ADAMTSL1: variants seen among roughly 807,000 people sequenced by gnomAD.
The protein encoded by ADAMTSL1 is ADAMTS-like protein 1.
Under a neutral mutation model 201.8 loss-of-function variants are expected in ADAMTSL1, and 126 were observed. The ratio of observed to expected loss-of-function variants is 0.62; its 90% CI spans 0.54 to 0.72. ADAMTSL1 has a LOEUF of 0.72. ADAMTSL1 is among the 30% of genes least tolerant of loss of function. The pLI, the probability that ADAMTSL1 is intolerant of heterozygous loss-of-function variation, is 0.00. For missense variants in ADAMTSL1, 2,679 were observed against 2,277.8 expected (o/e 1.18, Z -3.59); for synonymous variants, 1,121 against 903.4 (o/e 1.24, Z -4.32).
At chr9:18,525,083 G>T (rs1004511349) in intron 2 of ADAMTSL1, among the ~76,000 whole-genome samples, 11 of 151,972 alleles carry the variant, frequency 7.2e-5, no homozygotes, top group Admixed American at 6.5e-4. Context: ...GACTTTTTTT[G>T]GTTGGTAGGC....
At chr9:18,390,549 A>C (rs1387395359) in intron 2 of ADAMTSL1, among the ~76,000 whole-genome samples, 1 of 152,252 alleles carries the variant, frequency 6.6e-6, no homozygotes, top group Non-Finnish European at 1.5e-5. Context: ...CATGGTGAGC[A>C]TCTGGAGTGC....
chr9:18,299,881 A>C (rs532549744), intron 2 of ADAMTSL1, among the ~76,000 whole-genome samples: 2 of 152,352 alleles, frequency 1.3e-5, no homozygotes, highest in African/African-American at 4.8e-5. Flanking sequence ...GAAGGATCCT[A>C]AAGTATTTCA....
At chr9:18,235,094 AT>A (rs991741371) in intron 2 of ADAMTSL1, among the ~76,000 whole-genome samples, 4 of 151,540 alleles carry the variant, frequency 2.6e-5, no homozygotes, top group African/African-American at 4.9e-5. Flanking sequence ...TCTTTCCCTA[AT>A]TTTTTTTCTG....
At chr9:18,328,500 C>T (rs185481637) in intron 2 of ADAMTSL1, among the ~76,000 whole-genome samples, 14 of 152,254 alleles carry the variant, frequency 9.2e-5, no homozygotes, top group Non-Finnish European at 1.6e-4. Context: ...AACGTCATAA[C>T]ATAAGTATCA....
At chr9:18,464,360 G>A (rs2131722228) in intron 2 of ADAMTSL1, among the ~76,000 whole-genome samples, 1 of 152,248 alleles carries the variant, frequency 6.6e-6, no homozygotes, top group South Asian at 2.1e-4. Flanking sequence ...ACAAAAACCT[G>A]TACAAATGAA....
At chr9:18,859,634 G>A (rs1211513607) in intron 23 of ADAMTSL1, among the ~76,000 whole-genome samples, 1 of 152,146 alleles carries the variant, frequency 6.6e-6, no homozygotes, top group Non-Finnish European at 1.5e-5. Context: ...ATTTAGCAAT[G>A]TATATCAGTA....
At chr9:18,233,767 G>A (rs144465743) in intron 2 of ADAMTSL1, among the ~76,000 whole-genome samples, 15 of 152,288 alleles carry the variant, frequency 9.8e-5, no homozygotes, top group African/African-American at 3.1e-4. Context: ...GCTGATGGAC[G>A]GAACAGCACT....
chr9:18,512,808 T>C (rs913195942), intron 2 of ADAMTSL1, among the ~76,000 whole-genome samples: 1 of 152,242 alleles, frequency 6.6e-6, no homozygotes, highest in African/African-American at 2.4e-5. Flanking sequence ...TTCAATTGTA[T>C]GAATTCCTCC....
intron 2 of ADAMTSL1, among the ~76,000 whole-genome samples, chr9:18,219,808 A>G (rs1563815916): frequency 6.6e-6 from 1 of 152,122 alleles, no homozygotes; most frequent in East Asian, 1.9e-4. Flanking sequence ...AAATATTTTA[A>G]TTGTTTGCTG....
intron 2 of ADAMTSL1, among the ~76,000 whole-genome samples, chr9:18,401,770 T>C (rs1343224521): frequency 6.6e-6 from 1 of 152,140 alleles, no homozygotes; most frequent in Non-Finnish European, 1.5e-5. Flanking sequence ...AATGCACCAC[T>C]TTGGGAATAT....
At chr9:18,557,273 G>A (rs1017329030) in intron 3 of ADAMTSL1, among the ~76,000 whole-genome samples, 46 of 151,888 alleles carry the variant, frequency 3.0e-4, no homozygotes, top group African/African-American at 1.1e-3. Context: ...GAGGAATCTG[G>A]GTGAGAGGAG....
chr9:18,906,950 C>T (rs1425444524), intron 28 of ADAMTSL1, 38 bp downstream of exon 28: 2 of 1,609,264 alleles, frequency 1.2e-6, no homozygotes, highest in Admixed American at 1.7e-5. Context: ...GCAAATTCCC[C>T]ATAGAGCATC....
intron 23 of ADAMTSL1, among the ~76,000 whole-genome samples, chr9:18,869,696 T>C (rs1042287168): frequency 7.9e-5 from 12 of 152,212 alleles, no homozygotes; most frequent in Non-Finnish European, 1.5e-4. Flanking sequence ...ATTCACATCA[T>C]TGTTTCCTTA....
intron 2 of ADAMTSL1, among the ~76,000 whole-genome samples, chr9:18,424,318 G>A (rs946735429): frequency 2.1e-4 from 32 of 152,122 alleles, no homozygotes; most frequent in African/African-American, 7.0e-4. Flanking sequence ...TGCAATGTCC[G>A]GGGACACATT....
chr9:18,697,602 G>A (rs889928326), intron 13 of ADAMTSL1, among the ~76,000 whole-genome samples: 5 of 152,218 alleles, frequency 3.3e-5, no homozygotes, highest in African/African-American at 7.2e-5. Flanking sequence ...TAAGTGTAAT[G>A]TTCACTTATT....
chr9:18,885,091 A>G (rs920188573), intron 23 of ADAMTSL1, among the ~76,000 whole-genome samples: 2 of 152,150 alleles, frequency 1.3e-5, no homozygotes, highest in African/African-American at 4.8e-5. Flanking sequence ...TTCAGTGTTC[A>G]AGATTTTTGT....
chr9:18,741,793 T>C (rs946817777), intron 15 of ADAMTSL1, among the ~76,000 whole-genome samples: 1 of 152,204 alleles, frequency 6.6e-6, no homozygotes, highest in African/African-American at 2.4e-5. Flanking sequence ...TTTGCATGGC[T>C]ATCTTCCCTT....
chr9:18,428,344 T>G (rs1819322076), intron 2 of ADAMTSL1, among the ~76,000 whole-genome samples: 1 of 151,296 alleles, frequency 6.6e-6, no homozygotes, highest in Non-Finnish European at 1.5e-5. Flanking sequence ...CATCTATAAA[T>G]TCCAGCACCT....
intron 1 of ADAMTSL1, among the ~76,000 whole-genome samples, chr9:18,011,046 A>G (rs1249785885): frequency 6.6e-6 from 1 of 152,024 alleles, no homozygotes; most frequent in Admixed American, 6.6e-5. Flanking sequence ...ATTCTTTAGA[A>G]CACAGTCTTA....
Sources: allele counts gnomAD v4.1 joint callset (sites outside exome capture counted in the v4.1 genomes callset), GRCh38; gene constraint gnomAD v4.1.1; transcripts MANE v1.5; gene names NCBI Gene and HGNC (gene_info 2026-07-23, HGNC 2026-07-21).